Variants in RBFOX1 observed in about 807,000 individuals in gnomAD.
The protein encoded by RBFOX1 is RNA binding fox-1 homolog 1, also known as RNA binding protein fox-1 homolog 1.
In RBFOX1, 8 loss-of-function variants were observed where a neutral mutation model predicts 57.7. The ratio of observed to expected loss-of-function variants is 0.14; its 90% CI spans 0.08 to 0.25. The LOEUF is 0.25. RBFOX1 is among the 10% of genes least tolerant of loss of function. RBFOX1 has a pLI of 1.00. For missense variants in RBFOX1, 611 were observed against 548.5 expected, an observed-to-expected ratio of 1.11 and a Z score of -1.14; for synonymous variants, 326 against 222.4, an observed-to-expected ratio of 1.47 and a Z score of -4.15.
chr16:7,271,372 C>G (rs948648879), intron 4 of RBFOX1, among the ~76,000 whole-genome samples: 9 of 151,748 alleles, frequency 5.9e-5, no homozygotes, highest in Admixed American at 1.3e-4. Context: ...GTATCAAACT[C>G]TCCCCAATCC....
At chr16:6,879,594 G>A (rs1370717089) in intron 3 of RBFOX1, among the ~76,000 whole-genome samples, 2 of 152,292 alleles carry the variant, frequency 1.3e-5, no homozygotes, top group South Asian at 2.1e-4. Flanking sequence ...TTTAAAGCCA[G>A]TATCATCCAC....
At position 6,446,808 on chromosome 16, in the gene RBFOX1, G is replaced by T. The variant is rs2094495415; in HGVS notation, c.-64+129751G>T. On this transcript the variant is annotated intron_variant, in intron 2 of 15. Transcript: ENST00000550418. ...GGCTGAAAGAAAACCAAAGAGAGAGGTGTCCTGATGCAATTATGATTACAT... is the reference window on the plus strand; with the variant it reads ...GGCTGAAAGAAAACCAAAGAGAGAGTTGTCCTGATGCAATTATGATTACAT... Among the ~76,000 whole-genome samples, 2 of 152,106 alleles carry T rather than the reference G, an allele frequency of 1.3e-5. 1 individual carries two copies. Among genetic ancestry groups the T allele is most frequent in the Non-Finnish European group, 2.9e-5 (2 of 68,038 alleles).
chr16:5,446,823 ACTGTGTATTAGGTGGCATGTGGT>A (rs964231480), intron 1 of RBFOX1, among the ~76,000 whole-genome samples: 8 of 152,072 alleles, frequency 5.3e-5, no homozygotes, highest in Non-Finnish European at 8.8e-5. Context: ...GGCAGAGGGC[ACTGTGTATTAGGTGGCATGTGGT>A]CTTGGGTACC....
At chr16:5,560,712 C>G (rs563750503) in intron 2 of RBFOX1, among the ~76,000 whole-genome samples, 1 of 152,154 alleles carries the variant, frequency 6.6e-6, no homozygotes, top group Non-Finnish European at 1.5e-5. Flanking sequence ...TTTTCTTAAC[C>G]TACCAAAGTT....
rs905437418 is a variant in RBFOX1, at chr16:6,833,822, G to C, written c.-16+179172G>C. Among the ~76,000 whole-genome samples the C allele has an allele frequency of 1.1e-4, 16 of 152,272 alleles. 1 individual carries two copies. The highest frequency in any genetic ancestry group is 6.8e-3 in the Middle Eastern group (2 of 294). ...GAGGTTGATGGGTAGGTAGGAATTA[G>C]ATAGGAAGAGAGATGGAAAGGAGTG... On this transcript the variant is annotated intron_variant, in intron 3 of 15. Coordinates refer to ENST00000550418, the MANE Select transcript of RBFOX1 (RefSeq NM_018723.4).
chr16:7,275,850 A>G (rs1391132840), intron 4 of RBFOX1, among the ~76,000 whole-genome samples: 1 of 152,030 alleles, frequency 6.6e-6, no homozygotes, highest in Non-Finnish European at 1.5e-5. Flanking sequence ...GATAATGTCC[A>G]CTCCAACCTG....
chr16:7,220,758 C>A (rs146475532), intron 4 of RBFOX1, among the ~76,000 whole-genome samples: 67 of 152,234 alleles, frequency 4.4e-4, no homozygotes, highest in Non-Finnish European at 5.7e-4. Flanking sequence ...TCCAGGCCCA[C>A]ATCTGACCTA....
At chr16:7,087,024 C>T (rs1189784055) in intron 4 of RBFOX1, among the ~76,000 whole-genome samples, 6 of 152,164 alleles carry the variant, frequency 3.9e-5, no homozygotes, top group African/African-American at 1.4e-4. Context: ...GCCTCTGAGC[C>T]CGCAATGACA....
At chr16:5,816,354 C>T (rs565041148) in intron 3 of RBFOX1, among the ~76,000 whole-genome samples, 1 of 152,292 alleles carries the variant, frequency 6.6e-6, no homozygotes, top group South Asian at 2.1e-4. Flanking sequence ...TGGATTCTTA[C>T]TGTCTGAAGC....
At chr16:7,483,067 G>C (rs4787029) in intron 4 of RBFOX1, among the ~76,000 whole-genome samples, 2 of 151,974 alleles carry the variant, frequency 1.3e-5, no homozygotes, top group Non-Finnish European at 2.9e-5. Context: ...AGCCACCCTC[G>C]TCACTAAAAG....
intron 10 of RBFOX1, among the ~76,000 whole-genome samples, chr16:7,613,705 G>T (rs1221707421): frequency 6.6e-6 from 1 of 151,868 alleles, no homozygotes; most frequent in Non-Finnish European, 1.5e-5. Context: ...GTCTATGAAG[G>T]CTCCCTCACA....
At chr16:7,138,731 G>C (rs910586092) in intron 4 of RBFOX1, among the ~76,000 whole-genome samples, 1 of 152,098 alleles carries the variant, frequency 6.6e-6, no homozygotes, top group East Asian at 1.9e-4. Context: ...TCTGCAGGCC[G>C]TATGCTTGAG....
At chr16:5,548,172 AAAATATATAT>A (rs1423335420) in intron 2 of RBFOX1, among the ~76,000 whole-genome samples, 52 of 28,274 alleles carry the variant, frequency 1.8e-3, no homozygotes, top group East Asian at 0.016. Context: ...AAAAAAAAAA[AAAATATATAT>A]ATATATATAT....
intron 2 of RBFOX1, among the ~76,000 whole-genome samples, chr16:6,502,447 A>G (rs1452896418): frequency 6.6e-6 from 1 of 152,140 alleles, no homozygotes; most frequent in Non-Finnish European, 1.5e-5. Flanking sequence ...TAATCTCTTT[A>G]AGTCTCAGTT....
intron 4 of RBFOX1, among the ~76,000 whole-genome samples, chr16:7,284,550 C>G (rs145595509): frequency 3.3e-5 from 5 of 151,832 alleles, no homozygotes; most frequent in South Asian, 4.2e-4. Flanking sequence ...AGATTGATCT[C>G]GATCTCCTGG....
At chr16:6,685,415 A>G (rs976845182) in intron 3 of RBFOX1, among the ~76,000 whole-genome samples, 2 of 149,376 alleles carry the variant, frequency 1.3e-5, no homozygotes, top group Admixed American at 6.7e-5. Flanking sequence ...AGCTGAGATT[A>G]CAGGCATGTG....
intron 3 of RBFOX1, among the ~76,000 whole-genome samples, chr16:6,664,588 G>A (rs551573841): frequency 1.3e-5 from 2 of 152,274 alleles, no homozygotes; most frequent in South Asian, 2.1e-4. Context: ...AGACAGCTGC[G>A]CATGTAGCCC....
chr16:7,019,971 G>C (rs2153670080), intron 3 of RBFOX1, among the ~76,000 whole-genome samples: 1 of 150,744 alleles, frequency 6.6e-6, no homozygotes, highest in South Asian at 2.1e-4. Context: ...CCTTTCTTCT[G>C]GCTCTCTCTT....
chr16:5,306,169 C>T (rs1395734823), intron 1 of RBFOX1, among the ~76,000 whole-genome samples: 2 of 152,134 alleles, frequency 1.3e-5, no homozygotes, highest in African/African-American at 4.8e-5. Context: ...CCATTGCACT[C>T]CAGCCTGGGC....
Sources: gnomAD v4.1 joint callset for allele counts (sites outside exome capture counted in the v4.1 genomes callset) on GRCh38, gnomAD v4.1.1 for gene constraint, MANE v1.5 for transcripts, NCBI Gene and HGNC (gene_info 2026-07-23, HGNC 2026-07-21) for gene names.